The following BMERB1 variants were observed in gnomAD, a reference collection of about 807,000 sequenced individuals.
BMERB1 encodes the protein bMERB domain-containing protein 1.
Under a neutral mutation model 23.6 loss-of-function variants are expected in BMERB1, and 12 were observed. The observed-to-expected ratio is 0.51, with a 90% CI of 0.33 to 0.82. The LOEUF is 0.82. BMERB1 is among the 40% of genes least tolerant of loss of function. The probability of loss-of-function intolerance (pLI) is 0.03; values close to 1 mark genes in which losing one functional copy is unlikely to be tolerated. For missense variants in BMERB1, 247 were observed against 255.4 expected (o/e 0.97, Z 0.22); for synonymous variants, 122 against 96.6 (o/e 1.26, Z -1.54).
chr16:15,551,143 C>T (rs62036868), intron 2 of BMERB1, among the ~76,000 whole-genome samples: 9,797 of 152,290 alleles, frequency 0.064, 362 homozygotes, highest in African/African-American at 0.088. Context: ...TTCTCCAGGG[C>T]TGACTCACCG....
At chr16:15,564,608 G>C (rs2030514856) in intron 2 of BMERB1, among the ~76,000 whole-genome samples, 1 of 152,176 alleles carries the variant, frequency 6.6e-6, no homozygotes, top group Admixed American at 6.6e-5. Flanking sequence ...ATCCAGATGA[G>C]AAAACAAGAC....
At chr16:15,482,371 A>T (rs998005647) in intron 1 of BMERB1, among the ~76,000 whole-genome samples, 6 of 152,202 alleles carry the variant, frequency 3.9e-5, no homozygotes, top group African/African-American at 9.7e-5. Context: ...GAGCAGAGAC[A>T]CTTCCCTGCT....
intron 1 of BMERB1, among the ~76,000 whole-genome samples, chr16:15,509,847 G>A (rs1288531161): frequency 6.6e-6 from 1 of 152,098 alleles, no homozygotes; most frequent in Non-Finnish European, 1.5e-5. Flanking sequence ...GACCTTATTT[G>A]GAAATAAGGT....
chr16:15,455,238 C>A (rs1400623339), intron 1 of BMERB1, among the ~76,000 whole-genome samples: 1 of 150,302 alleles, frequency 6.7e-6, no homozygotes, highest in Non-Finnish European at 1.5e-5. Flanking sequence ...GCAGGAGAAT[C>A]ACTTGAACCC....
intron 2 of BMERB1, among the ~76,000 whole-genome samples, chr16:15,558,054 AT>A (rs796097993): frequency 5.5e-4 from 79 of 143,518 alleles, no homozygotes; most frequent in Middle Eastern, 3.4e-3. Context: ...AAAAAAAAAA[AT>A]TTTTTTTGAC....
intron 2 of BMERB1, among the ~76,000 whole-genome samples, chr16:15,516,492 G>A (rs1230555273): frequency 3.3e-5 from 5 of 151,916 alleles, no homozygotes; most frequent in Non-Finnish European, 5.9e-5. Context: ...TTTAAAAATT[G>A]GGCTTTTGCC....
In BMERB1 at chr16:15,587,580, A is replaced by T; in HGVS notation, c.*751A>T. The T allele has an allele frequency of 2.2e-6, 1 of 452,858 alleles. No individual in the cohort carries two copies. The highest frequency in any genetic ancestry group is 4.5e-6 in the Non-Finnish European group (1 of 224,508). 28.1% of individuals were successfully genotyped at this position (452,858 alleles called of 1,614,324 possible). Reference sequence around the variant, plus strand: ...AGCCAGCAGGGAACCGGAAGCTCTGATGTCAAGGCCAGAGCAGTTGAGAAT... The same window carrying T: ...AGCCAGCAGGGAACCGGAAGCTCTGTTGTCAAGGCCAGAGCAGTTGAGAAT... On this transcript the variant is annotated 3_prime_UTR_variant, in exon 6 of 6. Transcript: ENST00000300006.
chr16:15,540,183 A>G (rs2052065293), intron 2 of BMERB1, among the ~76,000 whole-genome samples: 1 of 151,972 alleles, frequency 6.6e-6, no homozygotes, highest in African/African-American at 2.4e-5. Context: ...TTTAGGAACA[A>G]TATTAGGTTT....
At chr16:15,500,810 C>T (rs2051519983) in intron 1 of BMERB1, among the ~76,000 whole-genome samples, 1 of 152,164 alleles carries the variant, frequency 6.6e-6, no homozygotes, top group African/African-American at 2.4e-5. Flanking sequence ...TGCCACCAGA[C>T]GTGGCTATTT....
intron 2 of BMERB1, 75 bp from the exon 3 acceptor site, chr16:15,567,908 G>A: frequency 7.4e-7 from 1 of 1,345,716 alleles, no homozygotes; most frequent in Non-Finnish European, 1.0e-6. Context: ...TAGCTTCTTT[G>A]TGTTAACCGG....
chr16:15,515,188 C>A, intron 1 of BMERB1, 117 bp from the exon 2 acceptor site: 1 of 1,406,878 alleles, frequency 7.1e-7, no homozygotes, highest in Non-Finnish European at 9.7e-7. Context: ...AGGCTGAAGT[C>A]TGTCCTCAAG....
intron 1 of BMERB1, among the ~76,000 whole-genome samples, chr16:15,445,978 GAAGC>G (rs2050985350): frequency 1.3e-5 from 2 of 152,190 alleles, no homozygotes; most frequent in Non-Finnish European, 2.9e-5. Context: ...CTGAGTGAAA[GAAGC>G]AAGCAAGAAA....
chr16:15,463,033 T>A (rs962034968), intron 1 of BMERB1, among the ~76,000 whole-genome samples: 2 of 151,838 alleles, frequency 1.3e-5, no homozygotes, highest in African/African-American at 4.8e-5. Context: ...TTATATAAAG[T>A]GCAGCAAAAA....
chr16:15,530,903 C>CTTTTTTTTTTTTTTT (rs1220558728), intron 2 of BMERB1, among the ~76,000 whole-genome samples: 2 of 109,250 alleles, frequency 1.8e-5, no homozygotes, highest in African/African-American at 3.5e-5. Context: ...TTTCTTCTTT[C>CTTTTTTTTTTTTTTT]TTTTTTTTTT....
rs527422429 is a variant in BMERB1, at chr16:15,459,590, CAA to C, written c.106+24832_106+24833del. Among the ~76,000 whole-genome samples, 614 of 152,228 alleles carry C rather than the reference CAA, an allele frequency of 4.0e-3. 3 individuals are homozygous for C. The highest frequency in any genetic ancestry group is 0.02 in the South Asian group (94 of 4,818). On this transcript the variant is annotated intron_variant, in intron 1 of 5. Transcript: ENST00000300006. ...CAACAATTATATATGTGTCCAATAA[CAA>C]GAGTAGAAGGGAATTGTAGAATGAA...
At chr16:15,483,383 T>C (rs906170908) in intron 1 of BMERB1, among the ~76,000 whole-genome samples, 1 of 152,144 alleles carries the variant, frequency 6.6e-6, no homozygotes, top group Non-Finnish European at 1.5e-5. Context: ...TATTTTTATT[T>C]ATTTATTTAT....
intron 1 of BMERB1, among the ~76,000 whole-genome samples, chr16:15,468,946 C>T (rs1348797726): frequency 1.3e-5 from 2 of 150,082 alleles, no homozygotes; most frequent in African/African-American, 4.9e-5. Flanking sequence ...TTGACTTCCT[C>T]CAATAAATCA....
intron 1 of BMERB1, among the ~76,000 whole-genome samples, chr16:15,441,792 G>A (rs544954660): frequency 6.6e-6 from 1 of 152,288 alleles, no homozygotes; most frequent in East Asian, 1.9e-4. Flanking sequence ...AAAGGGCTGG[G>A]ACTACAGGCA....
intron 5 of BMERB1, 133 bp downstream of exon 5, chr16:15,583,371 A>T (rs931536135): frequency 2.8e-6 from 2 of 714,460 alleles, no homozygotes; most frequent in Non-Finnish European, 5.0e-6. Context: ...TGAGGTCAGG[A>T]GTTCGAGACC....
Sources: gnomAD v4.1 joint callset for allele counts (sites outside exome capture counted in the v4.1 genomes callset) on GRCh38, gnomAD v4.1.1 for gene constraint, MANE v1.5 for transcripts, NCBI Gene and HGNC (gene_info 2026-07-23, HGNC 2026-07-21) for gene names.